Variants in NRXN3 observed in about 807,000 individuals in gnomAD.
NRXN3 encodes the protein neurexin III.
In NRXN3, 32 loss-of-function variants were observed where a neutral mutation model predicts 137.6. The ratio of observed to expected loss-of-function variants is 0.23; its 90% CI spans 0.18 to 0.31. The LOEUF (loss-of-function observed/expected upper bound fraction) is 0.31, where lower values mean the gene tolerates loss of function less well. Among genes scored for constraint, NRXN3 ranks in the 10% least tolerant of loss-of-function variants. The pLI is 1.00. For synonymous variants in NRXN3, 798 were observed against 784.5 expected (o/e 1.02, Z -0.29); for missense variants, 1,574 against 2,062.5 (o/e 0.76, Z 4.59).
chr14:78,712,210 G>A, intron 7 of NRXN3, among the ~76,000 whole-genome samples: 1 of 152,200 alleles, frequency 6.6e-6, no homozygotes, highest in East Asian at 1.9e-4. Flanking sequence ...TAGCCCTGTG[G>A]ACCTGTGAGG....
At chr14:78,468,037 C>T (rs2095164176) in intron 4 of NRXN3, among the ~76,000 whole-genome samples, 1 of 152,164 alleles carries the variant, frequency 6.6e-6, no homozygotes, top group African/African-American at 2.4e-5. Flanking sequence ...AATTCTCCTG[C>T]CTCAGCCTCC....
At chr14:79,102,045 A>C (rs2051410090) in intron 15 of NRXN3, among the ~76,000 whole-genome samples, 1 of 152,148 alleles carries the variant, frequency 6.6e-6, no homozygotes, top group Non-Finnish European at 1.5e-5. Flanking sequence ...AAAGTAATGG[A>C]ACCAATTCTG....
chr14:78,594,278 G>A (rs752157812), intron 4 of NRXN3, among the ~76,000 whole-genome samples: 4 of 152,160 alleles, frequency 2.6e-5, no homozygotes, highest in Non-Finnish European at 4.4e-5. Flanking sequence ...GGCGCCGAGG[G>A]GTGCTGCAGA....
chr14:78,874,776 G>A (rs1365739066), intron 10 of NRXN3, among the ~76,000 whole-genome samples: 1 of 152,168 alleles, frequency 6.6e-6, no homozygotes, highest in Non-Finnish European at 1.5e-5. Flanking sequence ...TCAAGTCTGG[G>A]GTTCTGAATC....
At chr14:78,679,818 G>A (rs897137484) in intron 6 of NRXN3, among the ~76,000 whole-genome samples, 14 of 152,266 alleles carry the variant, frequency 9.2e-5, no homozygotes, top group African/African-American at 3.4e-4. Context: ...ACTGTGCTAA[G>A]TGTTGGAGAT....
chr14:79,722,337 C>G (rs1426808523), intron 19 of NRXN3, among the ~76,000 whole-genome samples: 2 of 152,068 alleles, frequency 1.3e-5, no homozygotes, highest in East Asian at 3.9e-4. Flanking sequence ...AGCTTAAAAA[C>G]TCCAATGGAT....
intron 15 of NRXN3, among the ~76,000 whole-genome samples, chr14:79,362,088 T>C (rs1707589708): frequency 6.7e-6 from 1 of 149,400 alleles, no homozygotes; most frequent in South Asian, 2.1e-4. Context: ...GCCTCCCGAG[T>C]AGCTGGGATT....
chr14:78,472,368 A>C (rs770981284), intron 4 of NRXN3, among the ~76,000 whole-genome samples: 1 of 152,150 alleles, frequency 6.6e-6, no homozygotes, highest in Non-Finnish European at 1.5e-5. Context: ...GGAAGCTCAG[A>C]TTTGAACTCT....
At chr14:79,234,928 A>G (rs921994201) in intron 15 of NRXN3, among the ~76,000 whole-genome samples, 28 of 152,214 alleles carry the variant, frequency 1.8e-4, no homozygotes, top group African/African-American at 6.3e-4. Context: ...AAGAGTGTTT[A>G]TTTACATTAG....
chr14:78,975,833 T>C (rs2099463547), intron 14 of NRXN3, among the ~76,000 whole-genome samples: 1 of 152,216 alleles, frequency 6.6e-6, no homozygotes, highest in Admixed American at 6.5e-5. Flanking sequence ...ACATGTATTT[T>C]CACATTATGA....
At chr14:78,959,579 A>G (rs1264318112) in intron 11 of NRXN3, among the ~76,000 whole-genome samples, 1 of 152,142 alleles carries the variant, frequency 6.6e-6, no homozygotes, top group Non-Finnish European at 1.5e-5. Context: ...AAACAGAACC[A>G]CCACAACAAT....
chr14:78,903,272 C>T (rs908344846), intron 10 of NRXN3, among the ~76,000 whole-genome samples: 7 of 151,156 alleles, frequency 4.6e-5, no homozygotes, highest in Non-Finnish European at 8.8e-5. Flanking sequence ...CCTCAGTCTC[C>T]TGAGTAGTTG....
rs528727983 is a variant in NRXN3, at chr14:78,272,802, A to G, written c.710-5843A>G. On this transcript the variant is annotated intron_variant, in intron 2 of 20. Coordinates refer to ENST00000335750, the MANE Select transcript of NRXN3 (RefSeq NM_001330195.2). ...AACCTCTCTAGGTCTTAGTTTCCTT[A>G]TCTGTAAAATAGGATGAATACCGTT... Among the ~76,000 whole-genome samples the G allele has an allele frequency of 5.3e-5, 8 of 152,224 alleles. No individual in the cohort carries two copies. The South Asian group carries it at 1.7e-3, about 32-fold the overall frequency.
intron 1 of NRXN3, among the ~76,000 whole-genome samples, chr14:78,235,020 A>ATGTG: frequency 7.5e-5 from 7 of 93,384 alleles, no homozygotes; most frequent in Non-Finnish European, 1.3e-4. Context: ...ATATATATAT[A>ATGTG]TATGTGTATA....
intron 6 of NRXN3, among the ~76,000 whole-genome samples, chr14:78,657,280 C>G (rs766310606): frequency 1.3e-5 from 2 of 152,174 alleles, no homozygotes; most frequent in Non-Finnish European, 2.9e-5. Context: ...CAAGCCAAGA[C>G]TGAGTTACAT....
intron 4 of NRXN3, among the ~76,000 whole-genome samples, chr14:78,404,659 A>G (rs543271138): frequency 5.9e-5 from 9 of 152,298 alleles, no homozygotes; most frequent in Admixed American, 3.9e-4. Flanking sequence ...ACTGTGCCTC[A>G]TTCAATTCAC....
chr14:79,843,965 C>T (rs1449476668), intron 20 of NRXN3, among the ~76,000 whole-genome samples: 2 of 152,066 alleles, frequency 1.3e-5, no homozygotes, highest in African/African-American at 2.4e-5. Flanking sequence ...GTCCTCATAG[C>T]TTATCTCCCA....
chr14:79,731,251 G>A (rs1384691487), intron 19 of NRXN3, among the ~76,000 whole-genome samples: 1 of 152,110 alleles, frequency 6.6e-6, no homozygotes, highest in Non-Finnish European at 1.5e-5. Context: ...AGTGCCCATT[G>A]GCTACCACGG....
intron 16 of NRXN3, among the ~76,000 whole-genome samples, chr14:79,517,092 G>GCCC (rs35613259): frequency 0.018 from 2,213 of 123,974 alleles, 78 homozygotes; most frequent in East Asian, 0.063. Context: ...CAAATGTACA[G>GCCC]CCCCCCCCCC....
Sources: allele counts gnomAD v4.1 joint callset (sites outside exome capture counted in the v4.1 genomes callset), GRCh38; gene constraint gnomAD v4.1.1; transcripts MANE v1.5; gene names NCBI Gene and HGNC (gene_info 2026-07-23, HGNC 2026-07-21).